Variants in POLR1B observed in about 807,000 individuals in gnomAD.
The protein encoded by POLR1B is RNA polymerase I subunit B.
POLR1B carries 30 observed loss-of-function variants against 105.8 expected under a neutral mutation model. The ratio of observed to expected loss-of-function variants is 0.28; its 90% CI spans 0.21 to 0.38. The LOEUF (loss-of-function observed/expected upper bound fraction) is 0.38, where lower values mean the gene tolerates loss of function less well. Among genes scored for constraint, POLR1B ranks in the 10% least tolerant of loss-of-function variants. The pLI is 1.00. For synonymous variants in POLR1B, 485 were observed against 505.1 expected, an observed-to-expected ratio of 0.96 and a Z score of 0.53; for missense variants, 976 against 1,435.8, an observed-to-expected ratio of 0.68 and a Z score of 5.17.
intron 14 of POLR1B, 141 bp from the exon 15 acceptor site, chr2:112,574,706 A>G: frequency 1.3e-6 from 1 of 791,992 alleles, no homozygotes; most frequent in Non-Finnish European, 1.9e-6. Context: ...TGGGCAACAG[A>G]GTGAGACCCT....
chr2:112,545,514 T>C (rs1682991453), intron 1 of POLR1B, among the ~76,000 whole-genome samples: 1 of 152,238 alleles, frequency 6.6e-6, no homozygotes, highest in Admixed American at 6.5e-5. Flanking sequence ...TATTGGCTAA[T>C]TCAGTGTTTA....
At chr2:112,574,597 C>T (rs1684764309) in intron 14 of POLR1B, among the ~76,000 whole-genome samples, 1 of 151,954 alleles carries the variant, frequency 6.6e-6, no homozygotes, top group African/African-American at 2.4e-5. Context: ...TGGCATATAC[C>T]TGTAGTCCCA....
Position 112,551,889 on chromosome 2 carries a change from GGTT to G in POLR1B, c.881_883del (p.Cys294del). 2 of 1,613,918 alleles carry G rather than the reference GGTT, an allele frequency of 1.2e-6. No individual in the cohort carries two copies. Among genetic ancestry groups the G allele is most frequent in the East Asian group, 2.2e-5 (1 of 44,886 alleles). On this transcript the variant is annotated inframe_deletion, in exon 6 of 15. Coordinates refer to ENST00000263331, the MANE Select transcript of POLR1B (RefSeq NM_019014.6). ...GATGTTAAGGATTGTAATGGAAGAG[GGTT>G]GTTCGACACAAAAACAGGTCCTTAA...
intron 12 of POLR1B, among the ~76,000 whole-genome samples, chr2:112,569,749 G>A (rs187954642): frequency 2.0e-5 from 3 of 151,808 alleles, no homozygotes; most frequent in East Asian, 1.9e-4. Context: ...TAGTAGAGAC[G>A]GGGTTTCACC....
chr2:112,543,310 GCAGTCCCGTGTACGAGA>G (rs1558651085), intron 1 of POLR1B, among the ~76,000 whole-genome samples: 1 of 152,206 alleles, frequency 6.6e-6, no homozygotes, highest in East Asian at 1.9e-4. Context: ...TGTGGAGGAG[GCAGTCCCGTGTACGAGA>G]CAGTTCATGC....
chr2:112,569,091 A>G (rs1388551727), intron 12 of POLR1B, among the ~76,000 whole-genome samples, 189 bp downstream of exon 12: 1 of 152,166 alleles, frequency 6.6e-6, no homozygotes, highest in Non-Finnish European at 1.5e-5. Flanking sequence ...TGGCATGTCT[A>G]TTTAGTTTCC....
rs1243355489 is a variant in POLR1B, at chr2:112,575,523, C to T, written c.3202C>T (p.His1068Tyr). Reference protein sequence around the residue: ...LFNCSDRSVAHVCVKCGSLLS... With the variant: ...LFNCSDRSVAYVCVKCGSLLS... ...CAACTGCTCAGATCGGTCGGTAGCCCATGTGTGTGTGAAGTGTGGCAGTTT... is the reference window on the plus strand; with the variant it reads ...CAACTGCTCAGATCGGTCGGTAGCCTATGTGTGTGTGAAGTGTGGCAGTTT... The change falls in exon 15 of 15, where the codon CAT becomes TAT. Residue 1068 changes from histidine (H) to tyrosine (Y), a missense_variant. Transcript: ENST00000263331. The surrounding 1 kb of genome is among the most constrained non-coding windows in gnomAD (Gnocchi z 5.3). 2 of 1,614,106 alleles carry T rather than the reference C, an allele frequency of 1.2e-6. No homozygotes were observed. Among genetic ancestry groups the T allele is most frequent in the East Asian group, 4.5e-5 (2 of 44,872 alleles).
chr2:112,574,880 A>G lies in POLR1B; in HGVS notation c.2559A>G (p.Lys853=), dbSNP rs780507985. ...AAAATTGTGTTGTGGATAACATCAA[A>G]GTGTGCAGTAATGACACTGGGAGTG... The part of the protein sequence containing the change: ...SKENCVVDNI[K]VCSNDTGSGK... Residue 853 remains lysine, a synonymous_variant, in exon 15 of 15, where the codon AAA becomes AAG. Coordinates refer to ENST00000263331, the MANE Select transcript of POLR1B (RefSeq NM_019014.6). The G allele has an allele frequency of 1.9e-6, 3 of 1,613,072 alleles. No individual in the cohort carries two copies. The highest frequency in any genetic ancestry group is 1.1e-5 in the South Asian group (1 of 91,048).
chr2:112,556,803 CTT>C (rs776755936), intron 7 of POLR1B, among the ~76,000 whole-genome samples: 9 of 152,028 alleles, frequency 5.9e-5, no homozygotes, highest in Non-Finnish European at 8.8e-5. Context: ...GGTGTATAGT[CTT>C]TTTTTCTTTT....
In POLR1B at chr2:112,564,376, C is replaced by T. The variant is rs1320137772; in HGVS notation, c.1623C>T (p.Pro541=). ...TGTTTCCTTTACCAGGGGTCACTCC[C>T]ATTGATGGAGCTCCCCACCGATCAT... is the stretch of plus-strand genomic sequence containing the variant. The part of the protein sequence containing the change: ...PALLCNLGVT[P]IDGAPHRSYS... Residue 541 remains proline (P), a synonymous_variant, in exon 10 of 15, where the codon CCC becomes CCT. Coordinates refer to ENST00000263331, the MANE Select transcript of POLR1B (RefSeq NM_019014.6). The T allele has an allele frequency of 3.1e-6, 5 of 1,613,958 alleles. No individual in the cohort carries two copies. Among genetic ancestry groups the T allele is most frequent in the Admixed American group, 3.3e-5 (2 of 60,004 alleles).
In POLR1B at chr2:112,564,400, A is replaced by C; in HGVS notation, c.1647A>C (p.Ser549=). The change falls in exon 10 of 15, where the codon TCA becomes TCC. Residue 549 remains serine (S), a synonymous_variant. Transcript: ENST00000263331. ...VTPIDGAPHR[S]YSECYPVLLD... ...CCATTGATGGAGCTCCCCACCGATC[A>C]TACAGTGAGTGCTACCCTGTCCTGC... 1 of 1,614,242 alleles carries C rather than the reference A, an allele frequency of 6.2e-7. No individual in the cohort carries two copies. The highest frequency in any genetic ancestry group is 8.5e-7 in the Non-Finnish European group (1 of 1,180,048).
intron 9 of POLR1B, among the ~76,000 whole-genome samples, chr2:112,560,285 G>A (rs907631671): frequency 4.6e-5 from 7 of 152,030 alleles, no homozygotes; most frequent in Non-Finnish European, 8.8e-5. Context: ...CAAAGCATTC[G>A]AAATAGACTA....
Position 112,576,402 on chromosome 2 carries a change from A to G in POLR1B, c.*673A>G, listed in dbSNP as rs981758100. ...AACTCAAGACCTACCCTCTTAACAA[A>G]TCTTTAAGTGCACGATATAGTATTG... On this transcript the variant is annotated 3_prime_UTR_variant, in exon 15 of 15. Coordinates refer to ENST00000263331, the MANE Select transcript of POLR1B (RefSeq NM_019014.6). 2.0e-5 allele frequency: 3 copies of G among 152,220 alleles called. No individual in the cohort carries two copies. The highest frequency in any genetic ancestry group is 4.4e-5 in the Non-Finnish European group (3 of 68,078). The allele number at this position is 152,220 out of a possible 1,614,324, so 9.4% of individuals were successfully genotyped here. A position where few individuals can be genotyped will look rare whatever the true frequency, so the allele number is the denominator to read the frequency against.
In POLR1B at chr2:112,577,667, C is replaced by A. The variant is rs1684928088; in HGVS notation, c.*1938C>A. On this transcript the variant is annotated 3_prime_UTR_variant, in exon 15 of 15. Transcript: ENST00000263331. The stretch of plus-strand genomic sequence containing the variant: ...TCCAATCTGGGCAACATGGGGAAAC[C>A]CCAGCTCTACAAAAAAAATTAGCCT... 6.6e-6 allele frequency among the ~76,000 whole-genome samples: 1 copy of A among 151,508 alleles called. No homozygotes were observed. Among genetic ancestry groups the A allele is most frequent in the Non-Finnish European group, 1.5e-5 (1 of 67,868 alleles).
At chr2:112,562,827 G>C (rs1684072830) in intron 9 of POLR1B, among the ~76,000 whole-genome samples, 1 of 148,046 alleles carries the variant, frequency 6.8e-6, no homozygotes, top group East Asian at 2.0e-4. Flanking sequence ...CCAGGTTCAA[G>C]TGATTCTCCT....
At chr2:112,572,441 C>T (rs1227384527) in intron 12 of POLR1B, 121 bp from the exon 13 acceptor site, 5 of 687,146 alleles carry the variant, frequency 7.3e-6, no homozygotes, top group Non-Finnish European at 1.2e-5. Flanking sequence ...GCATAACTAC[C>T]ATGACTATTT....
At chr2:112,556,392 G>A (rs958160884) in intron 7 of POLR1B, among the ~76,000 whole-genome samples, 1 of 152,150 alleles carries the variant, frequency 6.6e-6, no homozygotes, top group East Asian at 1.9e-4. Flanking sequence ...GAGATTCATT[G>A]TAACATTTTA....
intron 14 of POLR1B, among the ~76,000 whole-genome samples, chr2:112,574,113 A>G (rs766434261): frequency 6.6e-6 from 1 of 152,072 alleles, no homozygotes; most frequent in Non-Finnish European, 1.5e-5. Flanking sequence ...CCAAAGTGCT[A>G]GGATTACAGG....
At chr2:112,574,713 C>A (rs1227973088) in intron 14 of POLR1B, 134 bp from the exon 15 acceptor site, 6 of 808,198 alleles carry the variant, frequency 7.4e-6, no homozygotes, top group Admixed American at 6.9e-5. Context: ...CAGAGTGAGA[C>A]CCTGTATCAT....
Sources: gnomAD v4.1 joint callset for allele counts (sites outside exome capture counted in the v4.1 genomes callset) on GRCh38, gnomAD v4.1.1 for gene constraint, Gnocchi (gnomAD v3.1) non-coding constraint, MANE v1.5 for transcripts, NCBI Gene and HGNC (gene_info 2026-07-23, HGNC 2026-07-21) for gene names.